The following PDHX variants were observed in gnomAD, a reference collection of about 807,000 sequenced individuals.
The protein encoded by PDHX is pyruvate dehydrogenase complex component X, also known as pyruvate dehydrogenase protein X component, mitochondrial.
A neutral mutation model predicts 55.3 loss-of-function variants in PDHX; 33 were observed. The observed-to-expected ratio is 0.60, with a 90% confidence interval of 0.45 to 0.80. PDHX has a LOEUF of 0.80. Ranked by LOEUF, PDHX falls within the 30% of genes least tolerant of loss-of-function variation. The pLI is 0.00. For synonymous variants in PDHX, 226 were observed against 219.4 expected (o/e 1.03, Z -0.27); for missense variants, 622 against 619.9 (o/e 1.00, Z -0.04).
At chr11:34,970,064 A>AT (rs1855223635) in intron 6 of PDHX, 75 bp from the exon 7 acceptor site, 1 of 1,253,860 alleles carries the variant, frequency 8.0e-7, no homozygotes, top group African/African-American at 1.5e-5. Flanking sequence ...CTTTTCATTT[A>AT]TAAAGTTGCT....
At chr11:34,927,682 A>G (rs1854056414) in intron 1 of PDHX, among the ~76,000 whole-genome samples, 1 of 152,138 alleles carries the variant, frequency 6.6e-6, no homozygotes. Flanking sequence ...TACTTTTATT[A>G]ACACATTAAT....
At chr11:34,970,062 T>C in intron 6 of PDHX, 77 bp from the exon 7 acceptor site, 1 of 1,237,166 alleles carries the variant, frequency 8.1e-7, no homozygotes, top group East Asian at 2.3e-5. Flanking sequence ...TTCTTTTCAT[T>C]TATAAAGTTG....
chr11:34,969,345 TC>T (rs1271442000), intron 6 of PDHX, among the ~76,000 whole-genome samples: 2 of 151,612 alleles, frequency 1.3e-5, no homozygotes, highest in Non-Finnish European at 2.9e-5. Context: ...TGGTTTTTTT[TC>T]TTTTTTTTTT....
chr11:34,922,985 A>G (rs1853929264), intron 1 of PDHX, among the ~76,000 whole-genome samples: 1 of 152,030 alleles, frequency 6.6e-6, no homozygotes, highest in Non-Finnish European at 1.5e-5. Context: ...AACTTCATGT[A>G]GAATTTTAAT....
intron 1 of PDHX, among the ~76,000 whole-genome samples, chr11:34,927,314 T>G (rs1854049782): frequency 6.6e-6 from 1 of 152,114 alleles, no homozygotes; most frequent in Admixed American, 6.5e-5. Context: ...TACCTGTAGT[T>G]GTGGGAAACT....
chr11:34,938,949 A>G (rs961104350), intron 2 of PDHX, among the ~76,000 whole-genome samples: 3 of 152,350 alleles, frequency 2.0e-5, no homozygotes, highest in African/African-American at 4.8e-5. Context: ...AACACAGTAA[A>G]TAATTGAGAG....
intron 5 of PDHX, among the ~76,000 whole-genome samples, chr11:34,961,599 T>G (rs994071115): frequency 6.6e-6 from 1 of 152,224 alleles, no homozygotes; most frequent in Non-Finnish European, 1.5e-5. Context: ...GGCAATGTTT[T>G]CTTTTTTCCA....
chr11:34,961,291 T>TTAAATGTTTGTGTCC (rs1451343351), intron 5 of PDHX, among the ~76,000 whole-genome samples: 1 of 152,206 alleles, frequency 6.6e-6, no homozygotes, highest in Non-Finnish European at 1.5e-5. Context: ...TTCCATTAGT[T>TTAAATGTTTGTGTCC]TAAATGTTTG....
At chr11:34,957,669 C>A in intron 4 of PDHX, 86 bp downstream of exon 4, 2 of 1,025,832 alleles carry the variant, frequency 1.9e-6, no homozygotes, top group Non-Finnish European at 3.0e-6. Context: ...CATATTCGCA[C>A]ATCGTTGTAC....
At chr11:34,948,886 T>C (rs1590744922) in intron 3 of PDHX, among the ~76,000 whole-genome samples, 1 of 152,342 alleles carries the variant, frequency 6.6e-6, no homozygotes, top group South Asian at 2.1e-4. Context: ...TGGCAAACTG[T>C]GTTCTTGGCC....
intron 2 of PDHX, among the ~76,000 whole-genome samples, chr11:34,947,146 T>G (rs1188072256): frequency 6.6e-6 from 1 of 152,200 alleles, no homozygotes; most frequent in Admixed American, 6.5e-5. Context: ...AGTCAAAATG[T>G]TTGAAAAAGT....
At position 34,995,012 on chromosome 11, in the gene PDHX, T is replaced by C. The variant is rs1855831671; in HGVS notation, c.1346T>C (p.Leu449Pro). ...ILAVGRFRPV[L>P]KLTEDEEGNA... ...GCGGTTGGGAGGTTCCGACCTGTGC[T>C]GAAGCTCACTGAGGATGAAGAGGGA... Residue 449 changes from leucine (L) to proline (P), a missense_variant, in exon 11 of 11, where the codon CTG becomes CCG. Physicochemically the swap from Leu to Pro is moderately conservative, Grantham distance 98. Transcript: ENST00000227868. 6.2e-7 allele frequency: 1 copy of C among 1,614,094 alleles called. No individual in the cohort carries two copies. The highest frequency in any genetic ancestry group is 8.5e-7 in the Non-Finnish European group (1 of 1,179,952).
chr11:34,978,002 A>G, intron 7 of PDHX, 122 bp from the exon 8 acceptor site: 1 of 670,306 alleles, frequency 1.5e-6, no homozygotes, highest in Non-Finnish European at 2.7e-6. Context: ...AGCAAACAAA[A>G]GCTTGTAATT....
chr11:34,960,835 A>G (rs969410349), intron 5 of PDHX, among the ~76,000 whole-genome samples: 3 of 152,220 alleles, frequency 2.0e-5, no homozygotes, highest in Non-Finnish European at 2.9e-5. Flanking sequence ...TCATGCAATA[A>G]CATTTACATT....
chr11:34,936,838 G>A (rs1854331691), intron 2 of PDHX, among the ~76,000 whole-genome samples: 1 of 125,434 alleles, frequency 8.0e-6, no homozygotes, highest in African/African-American at 3.2e-5. Flanking sequence ...CACCCAGGCT[G>A]TAGTGCAGTG....
At chr11:34,964,039 G>A (rs567094925) in intron 5 of PDHX, among the ~76,000 whole-genome samples, 1 of 152,246 alleles carries the variant, frequency 6.6e-6, no homozygotes, top group Admixed American at 6.5e-5. Context: ...CTCTCTCAGG[G>A]AACCCAGTAG....
At chr11:34,964,100 A>G (rs1565162444) in intron 5 of PDHX, among the ~76,000 whole-genome samples, 1 of 152,146 alleles carries the variant, frequency 6.6e-6, no homozygotes, top group Non-Finnish European at 1.5e-5. Flanking sequence ...CTATCTGCCT[A>G]TTTCTGCCAG....
intron 7 of PDHX, among the ~76,000 whole-genome samples, chr11:34,970,667 C>T (rs906470639): frequency 2.0e-5 from 3 of 152,186 alleles, no homozygotes; most frequent in African/African-American, 7.2e-5. Context: ...TTGAGCAACC[C>T]AAAACCAAAA....
intron 2 of PDHX, 128 bp from the exon 3 acceptor site, chr11:34,947,378 T>A (rs1854645812): frequency 1.5e-6 from 1 of 667,104 alleles, no homozygotes; most frequent in Non-Finnish European, 2.6e-6. Flanking sequence ...GAGAATTACT[T>A]GTATTTCCAC....
Sources: allele counts gnomAD v4.1 joint callset (sites outside exome capture counted in the v4.1 genomes callset), GRCh38; gene constraint gnomAD v4.1.1; transcripts MANE v1.5; gene names NCBI Gene and HGNC (gene_info 2026-07-23, HGNC 2026-07-21).